Variants in AK1 observed in about 807,000 individuals in gnomAD.
The protein encoded by AK1 is adenylate kinase isoenzyme 1.
A neutral mutation model predicts 23.9 loss-of-function variants in AK1; 13 were observed. The ratio of observed to expected loss-of-function variants is 0.54; its 90% CI spans 0.35 to 0.86. The LOEUF is 0.86. Ranked by LOEUF, AK1 falls within the 40% of genes least tolerant of loss-of-function variation. The probability of loss-of-function intolerance (pLI) is 0.01; values close to 1 mark genes in which losing one functional copy is unlikely to be tolerated. For missense variants in AK1, 214 were observed against 255.1 expected, an observed-to-expected ratio of 0.84 and a Z score of 1.10; for synonymous variants, 97 against 102.8, an observed-to-expected ratio of 0.94 and a Z score of 0.34.
intron 2 of AK1, chr9:127,874,153 C>T (rs1360420800): frequency 4.1e-6 from 4 of 985,296 alleles, no homozygotes; most frequent in Admixed American, 1.2e-4. Context: ...AGGGCGGGCC[C>T]GTTCTGGACT....
rs746355845 is a variant in AK1 at position 127,867,933 on chromosome 9, C to T, written c.*75G>A. On this transcript the variant is annotated 3_prime_UTR_variant, in exon 7 of 7. Coordinates refer to ENST00000644144, the MANE Select transcript of AK1 (RefSeq NM_000476.3). ...TCAGCAGGGCAGGGTGGAGGCGCTG[C>T]GCTCAGGCCAGGAGGACCTCGAATC... The T allele has an allele frequency of 2.7e-4, 401 of 1,464,048 alleles. No individual in the cohort carries two copies. The highest frequency in any genetic ancestry group is 3.6e-4 in the Non-Finnish European group (381 of 1,044,146). 90.7% of individuals were successfully genotyped at this position (1,464,048 alleles called of 1,614,324 possible). A position where few individuals can be genotyped will look rare whatever the true frequency, so the allele number is the denominator to read the frequency against.
At position 127,871,051 on chromosome 9, in the gene AK1, A is replaced by G. The variant is rs115397650; in HGVS notation, c.324+772T>C. Among the ~76,000 whole-genome samples the G allele has an allele frequency of 7.2e-3, 1,093 of 151,914 alleles. 62 individuals carry two copies. Among genetic ancestry groups the G allele is most frequent in the African/African-American group, 0.025 (1,038 of 41,164 alleles). On this transcript the variant is annotated intron_variant, in intron 5 of 6. Coordinates refer to ENST00000644144, the MANE Select transcript of AK1 (RefSeq NM_000476.3). The surrounding 1 kb of genome is among the most constrained non-coding windows in gnomAD (Gnocchi z 4.4). ...TATGTGTGCTGCGTCCGTGACATGC[A>G]TGTGCAGGAGTGCAGTATCCACTGC... is the stretch of plus-strand genomic sequence containing the variant.
chr9:127,868,570 C>A lies in AK1; in HGVS notation c.325-58G>T. 1 of 1,531,474 alleles carries A rather than the reference C, an allele frequency of 6.5e-7. No homozygotes were observed. The highest frequency in any genetic ancestry group is 8.8e-7 in the Non-Finnish European group (1 of 1,133,554). 94.9% of individuals were successfully genotyped at this position (1,531,474 alleles called of 1,614,324 possible). A position where few individuals can be genotyped will look rare whatever the true frequency, so the allele number is the denominator to read the frequency against. ...TTCCTGCCCCCTAGGGCCATCTCCT[C>A]CCCATCTTCCCATCTATGAAGCCCC... On this transcript the variant is annotated intron_variant, in intron 5 of 6. Coordinates refer to ENST00000644144, the MANE Select transcript of AK1 (RefSeq NM_000476.3). The surrounding 1 kb of genome is among the most constrained non-coding windows in gnomAD (Gnocchi z 4.1).
intron 1 of AK1, among the ~76,000 whole-genome samples, chr9:127,876,791 G>A (rs943882719): frequency 4.6e-5 from 7 of 152,138 alleles, no homozygotes; most frequent in Non-Finnish European, 7.4e-5. Context: ...GTTGGGTTAC[G>A]GGCTAAGCAC....
At chr9:127,869,161 A>G (rs886466704) in intron 5 of AK1, among the ~76,000 whole-genome samples, 2 of 152,122 alleles carry the variant, frequency 1.3e-5, no homozygotes, top group South Asian at 2.1e-4. Flanking sequence ...CATGTCATCC[A>G]TGGGACGCCT....
rs746592337 is a variant in AK1, at chr9:127,871,881, C to G, written c.266G>C (p.Gly89Ala). ...CCGCGGGTAGCCATCAATCAGGAAGCCTTTGGAAGTATTGACTTTGGCCAC... is the reference window on the plus strand; with the variant it reads ...CCGCGGGTAGCCATCAATCAGGAAGGCTTTGGAAGTATTGACTTTGGCCAC... The part of the protein sequence containing the change: ...AMVAKVNTSK[G>A]FLIDGYPREV... Residue 89 changes from glycine to alanine, a missense_variant, in exon 5 of 7, where the codon GGC becomes GCC. Gly to Ala is a moderately conservative substitution (Grantham distance 60). Transcript: ENST00000644144. This position sits in a 1 kb window ranked among gnomAD's most constrained non-coding sequence, Gnocchi z 4.4. 3 of 1,614,052 alleles carry G rather than the reference C, an allele frequency of 1.9e-6. No individual in the cohort carries two copies. Among genetic ancestry groups the G allele is most frequent in the African/African-American group, 2.7e-5 (2 of 74,908 alleles).
chr9:127,879,574 G>C (rs999411501), upstream of AK1: 2 of 137,444 alleles, frequency 1.5e-5, no homozygotes, highest in Middle Eastern at 4.0e-3. Context: ...GGTGAGCCGA[G>C]ATCACGCCAT....
chr9:127,868,595 C>T lies in AK1; in HGVS notation c.325-83G>A, dbSNP rs958112785. On this transcript the variant is annotated intron_variant, in intron 5 of 6. Transcript: ENST00000644144. The surrounding 1 kb of genome is among the most constrained non-coding windows in gnomAD (Gnocchi z 4.1). Reference sequence around the variant, plus strand: ...CCCCATCTTCCCATCTATGAAGCCCCAGTAGATACCCCCTCAGACCTTCAA... The same window carrying T: ...CCCCATCTTCCCATCTATGAAGCCCTAGTAGATACCCCCTCAGACCTTCAA... The T allele has an allele frequency of 2.1e-6, 3 of 1,456,382 alleles. No individual in the cohort carries two copies. The highest frequency in any genetic ancestry group is 2.8e-5 in the African/African-American group (2 of 71,152). The allele number at this position is 1,456,382 out of a possible 1,614,324, so 90.2% of individuals were successfully genotyped here. A position where few individuals can be genotyped will look rare whatever the true frequency, so the allele number is the denominator to read the frequency against.
chr9:127,873,242 C>A (rs1829459545), intron 2 of AK1, 181 bp from the exon 3 acceptor site: 3 of 1,536,364 alleles, frequency 2.0e-6, no homozygotes, highest in Non-Finnish European at 2.6e-6. Context: ...AGCTCGGAGC[C>A]TGGGAGAGGT....
At chr9:127,873,448 T>A (rs1205080895) in intron 2 of AK1, 2 of 1,539,354 alleles carry the variant, frequency 1.3e-6, no homozygotes, top group African/African-American at 2.7e-5. Context: ...CAGCAGCCCA[T>A]GGTCCCGTCC....
At chr9:127,875,409 A>C (rs1829516402) in intron 1 of AK1, among the ~76,000 whole-genome samples, 1 of 111,766 alleles carries the variant, frequency 8.9e-6, no homozygotes. Flanking sequence ...TCGCCCCCCT[A>C]TCTCAGAACT....
upstream of AK1, among the ~76,000 whole-genome samples, chr9:127,879,220 C>T (rs774026377): frequency 9.2e-5 from 14 of 152,140 alleles, no homozygotes; most frequent in Admixed American, 6.5e-4. Context: ...GGCACAGCCA[C>T]GGTGGGTGAG....
At chr9:127,875,401 G>A (rs1394445308) in intron 1 of AK1, among the ~76,000 whole-genome samples, 2 of 65,224 alleles carry the variant, frequency 3.1e-5, no homozygotes, top group Non-Finnish European at 6.2e-5. Flanking sequence ...CCCCTACCTC[G>A]CCCCCCTATC....
At chr9:127,869,672 C>T (rs1490232539) in intron 5 of AK1, among the ~76,000 whole-genome samples, 10 of 152,318 alleles carry the variant, frequency 6.6e-5, no homozygotes, top group East Asian at 1.9e-4. Context: ...GAGATGACTC[C>T]GTACCACCCA....
Position 127,871,845 on chromosome 9 carries a change from T to C in AK1, c.302A>G (p.Gln101Arg). The C allele has an allele frequency of 6.2e-7, 1 of 1,614,126 alleles. No homozygotes were observed. Among genetic ancestry groups the C allele is most frequent in the South Asian group, 1.1e-5 (1 of 91,086 alleles). ...LIDGYPREVQ[Q>R]GEEFERRIGQ... ...TACCCGTCGCTCAAACTCTTCTCCT[T>C]GCTGCACCTCCCGCGGGTAGCCATC... The change falls in exon 5 of 7, where the codon CAA (glutamine) becomes CGA (arginine). Residue 101 changes from glutamine to arginine, a missense_variant. Transcript: ENST00000644144. This position sits in a 1 kb window ranked among gnomAD's most constrained non-coding sequence, Gnocchi z 4.4.
chr9:127,870,238 G>C (rs1163158116), intron 5 of AK1, among the ~76,000 whole-genome samples: 1 of 127,682 alleles, frequency 7.8e-6, no homozygotes, highest in Non-Finnish European at 1.6e-5. Context: ...GTCTCATTCT[G>C]TTGTTCAGGC....
chr9:127,868,240 C>T lies in AK1; in HGVS notation c.516+81G>A. ...CCAAGGCCCAGAGAGAGGGGCTGGC[C>T]TGAGGCCACACAGTGAGCTGAGGCG... On this transcript the variant is annotated intron_variant, in intron 6 of 6. Transcript: ENST00000644144. This position sits in a 1 kb window ranked among gnomAD's most constrained non-coding sequence, Gnocchi z 4.1. The T allele has an allele frequency of 2.0e-6, 3 of 1,489,746 alleles. No homozygotes were observed. The highest frequency in any genetic ancestry group is 2.7e-6 in the Non-Finnish European group (3 of 1,092,244). The allele number at this position is 1,489,746 out of a possible 1,614,324, so 92.3% of individuals were successfully genotyped here. A position where few individuals can be genotyped will look rare whatever the true frequency, so the allele number is the denominator to read the frequency against.
intron 2 of AK1, 30 bp downstream of exon 2, chr9:127,874,581 G>A (rs1383935997): frequency 6.2e-7 from 1 of 1,613,026 alleles, no homozygotes; most frequent in Non-Finnish European, 8.5e-7. Context: ...TGAGGCCCAG[G>A]CAATGGGCAA....
intron 1 of AK1, among the ~76,000 whole-genome samples, chr9:127,875,423 C>G (rs1212389203): frequency 6.6e-6 from 1 of 151,192 alleles, no homozygotes; most frequent in East Asian, 1.9e-4. Context: ...CAGAACTGCC[C>G]TCTGGACACC....
Sources: allele counts gnomAD v4.1 joint callset (sites outside exome capture counted in the v4.1 genomes callset), GRCh38; gene constraint gnomAD v4.1.1; non-coding constraint Gnocchi (gnomAD v3.1); transcripts MANE v1.5; gene names NCBI Gene and HGNC (gene_info 2026-07-23, HGNC 2026-07-21).